The following PKNOX1 variants were observed in gnomAD, a reference collection of about 807,000 sequenced individuals.
PKNOX1 encodes the protein homeobox protein PKNOX1.
In PKNOX1, 15 loss-of-function variants were observed where a neutral mutation model predicts 51.9. That is an observed-to-expected ratio of 0.29 (90% CI 0.19 to 0.45). PKNOX1 has a LOEUF of 0.45. Ranked by LOEUF, PKNOX1 falls within the 20% of genes least tolerant of loss-of-function variation. The pLI is 1.00. For missense variants in PKNOX1, 462 were observed against 547.5 expected (o/e 0.84, Z 1.56); for synonymous variants, 219 against 211.1 (o/e 1.04, Z -0.32).
chr21:43,009,428 A>G (rs569929665), intron 3 of PKNOX1, among the ~76,000 whole-genome samples: 7 of 150,694 alleles, frequency 4.6e-5, no homozygotes, highest in Non-Finnish European at 8.9e-5. Flanking sequence ...CTGGGCAACA[A>G]GAGCGAAACT....
rs763181221 is a variant in PKNOX1 at position 43,028,865 on chromosome 21, A to G, written c.1090A>G (p.Met364Val). The G allele has an allele frequency of 1.2e-6, 2 of 1,614,156 alleles. No individual in the cohort carries two copies. The highest frequency in any genetic ancestry group is 1.7e-6 in the Non-Finnish European group (2 of 1,180,014). The change falls in exon 10 of 11, where the codon ATG (methionine) becomes GTG (valine). Residue 364 changes from methionine (M) to valine (V), a missense_variant. Physicochemically the swap from Met to Val is conservative, Grantham distance 21. This residue lies in a region of PKNOX1 where 118 missense variants were observed against 116.8 expected (regional missense o/e 1.01). Coordinates refer to ENST00000291547, the MANE Select transcript of PKNOX1 (RefSeq NM_004571.5). ...VAQPPPSELT[M>V]SEGAVVTITT... Reference sequence around the variant, plus strand: ...ACAGCCACCGCCGAGCGAGCTCACCATGTCGGAAGGTACAGGTGGCCGGCC... The same window carrying G: ...ACAGCCACCGCCGAGCGAGCTCACCGTGTCGGAAGGTACAGGTGGCCGGCC...
At chr21:43,018,957 C>T (rs575940654) in intron 7 of PKNOX1, among the ~76,000 whole-genome samples, 33 of 151,988 alleles carry the variant, frequency 2.2e-4, no homozygotes, top group Non-Finnish European at 3.7e-4. Context: ...CAGTGGTGCA[C>T]GCCTGTAATC....
intron 4 of PKNOX1, among the ~76,000 whole-genome samples, chr21:43,011,706 A>AAAGG (rs1279817433): frequency 2.0e-5 from 3 of 152,230 alleles, no homozygotes; most frequent in Non-Finnish European, 4.4e-5. Flanking sequence ...CTTCAACAGA[A>AAAGG]AAGGTTTTTG....
chr21:42,975,773 G>A (rs2058993485), intron 1 of PKNOX1, among the ~76,000 whole-genome samples: 1 of 152,358 alleles, frequency 6.6e-6, no homozygotes, highest in East Asian at 1.9e-4. Context: ...TGTGTGTGGG[G>A]TTCTCTTCCA....
At chr21:42,980,108 C>T (rs1037333129) in intron 1 of PKNOX1, among the ~76,000 whole-genome samples, 28 of 151,974 alleles carry the variant, frequency 1.8e-4, no homozygotes, top group African/African-American at 6.5e-4. Context: ...TGCGGTGGCT[C>T]ACACCTGTAA....
At position 43,004,877 on chromosome 21, in the gene PKNOX1, A is replaced by G. The variant is rs563118355; in HGVS notation, c.51+445A>G. On this transcript the variant is annotated intron_variant, in intron 2 of 10. Transcript: ENST00000291547. ...CCAGTAATGAATTTGCAGGGGCCCC[A>G]GTGCTCTATCTTTGTACCTTGCTCG... Among the ~76,000 whole-genome samples the G allele has an allele frequency of 2.0e-5, 3 of 152,274 alleles. No individual in the cohort carries two copies. The South Asian group carries it at 6.2e-4, about 32-fold the overall frequency.
At chr21:43,011,446 G>C (rs889681078) in intron 4 of PKNOX1, among the ~76,000 whole-genome samples, 19 of 152,138 alleles carry the variant, frequency 1.2e-4, no homozygotes, top group African/African-American at 4.3e-4. Context: ...AGCGTTTTCT[G>C]TGCCCTCCAG....
intron 4 of PKNOX1, among the ~76,000 whole-genome samples, chr21:43,011,103 T>C (rs1979230149): frequency 6.9e-6 from 1 of 145,530 alleles, no homozygotes; most frequent in South Asian, 2.3e-4. Flanking sequence ...AGTCTCGCTC[T>C]GTTGCCCAGG....
intron 1 of PKNOX1, among the ~76,000 whole-genome samples, chr21:42,981,824 G>A (rs1601264463): frequency 2.0e-5 from 3 of 152,328 alleles, no homozygotes; most frequent in East Asian, 3.9e-4. Context: ...AGTTGGGTGG[G>A]TGGTGAGATA....
intron 1 of PKNOX1, among the ~76,000 whole-genome samples, chr21:42,990,461 A>T (rs986081261): frequency 6.6e-6 from 1 of 152,174 alleles, no homozygotes; most frequent in Non-Finnish European, 1.5e-5. Context: ...AGACTGGCTT[A>T]TGATAAAGGT....
chr21:43,023,350 G>A (rs901976797), intron 8 of PKNOX1, among the ~76,000 whole-genome samples: 5 of 152,112 alleles, frequency 3.3e-5, no homozygotes, highest in Admixed American at 6.6e-5. Flanking sequence ...AGGCCGCTCC[G>A]TCCCCATGTG....
chr21:42,993,162 C>T (rs1209557420), intron 1 of PKNOX1, among the ~76,000 whole-genome samples: 1 of 152,156 alleles, frequency 6.6e-6, no homozygotes, highest in African/African-American at 2.4e-5. Context: ...GACCTCGTGT[C>T]TCGATGGGAG....
chr21:43,010,307 C>T (rs1979193956), intron 4 of PKNOX1, 83 bp downstream of exon 4: 1 of 737,566 alleles, frequency 1.4e-6, no homozygotes, highest in Non-Finnish European at 2.1e-6. Flanking sequence ...GAACTTTAGA[C>T]TGCTTGTAGT....
At chr21:42,984,945 C>G (rs893063503) in intron 1 of PKNOX1, among the ~76,000 whole-genome samples, 19 of 149,452 alleles carry the variant, frequency 1.3e-4, no homozygotes, top group African/African-American at 4.7e-4. Flanking sequence ...GTCCTTGCCT[C>G]CAAGGGTTAG....
intron 1 of PKNOX1, among the ~76,000 whole-genome samples, chr21:43,001,164 G>A (rs770631097): frequency 2.5e-4 from 38 of 152,190 alleles, no homozygotes; most frequent in Non-Finnish European, 5.0e-4. Context: ...AGTTGTCTTG[G>A]GGAAGAGTTC....
intron 1 of PKNOX1, among the ~76,000 whole-genome samples, chr21:42,975,475 C>T (rs1244532469): frequency 6.6e-6 from 1 of 152,218 alleles, no homozygotes; most frequent in Admixed American, 6.5e-5. Context: ...CAGGAAGTGC[C>T]GGGCAGGGTC....
intron 5 of PKNOX1, among the ~76,000 whole-genome samples, chr21:43,013,789 C>T (rs1400892859): frequency 6.6e-6 from 1 of 152,152 alleles, no homozygotes; most frequent in Non-Finnish European, 1.5e-5. Flanking sequence ...TAAGCGGAAT[C>T]GTACAGTGTT....
intron 1 of PKNOX1, among the ~76,000 whole-genome samples, chr21:42,989,633 G>A (rs2059075263): frequency 6.6e-6 from 1 of 152,026 alleles, no homozygotes; most frequent in South Asian, 2.1e-4. Context: ...TGGCCAGGCT[G>A]GTCTTGAACT....
At chr21:42,979,604 T>A (rs751630305) in intron 1 of PKNOX1, among the ~76,000 whole-genome samples, 39 of 152,066 alleles carry the variant, frequency 2.6e-4, no homozygotes, top group Non-Finnish European at 4.7e-4. Context: ...TAGCTGGGCG[T>A]AGTGGCGGGC....
Sources: gnomAD v4.1 joint callset for allele counts (sites outside exome capture counted in the v4.1 genomes callset) on GRCh38, gnomAD v4.1.1 for gene constraint, gnomAD v4.1.1 regional missense constraint, MANE v1.5 for transcripts, NCBI Gene and HGNC (gene_info 2026-07-23, HGNC 2026-07-21) for gene names.